TDRD12: variants seen among roughly 807,000 people sequenced by gnomAD.
TDRD12 encodes tudor domain containing 12, also known as putative ATP-dependent RNA helicase TDRD12.
TDRD12 carries 158 observed loss-of-function variants against 133.5 expected under a neutral mutation model. The ratio of observed to expected loss-of-function variants is 1.18; its 90% CI spans 1.04 to 1.35. TDRD12 has a LOEUF of 1.35. TDRD12 is among the 40% of genes most tolerant of loss of function. The pLI is 0.00. For synonymous variants in TDRD12, 460 were observed against 477.9 expected (o/e 0.96, Z 0.49); for missense variants, 1,443 against 1,321.3 (o/e 1.09, Z -1.43).
At chr19:32,815,104 G>C (rs569737082) in intron 25 of TDRD12, among the ~76,000 whole-genome samples, 2 of 152,262 alleles carry the variant, frequency 1.3e-5, no homozygotes, top group African/African-American at 4.8e-5. Flanking sequence ...AAAAGTAGTT[G>C]AGAAGGAATG....
In TDRD12 at chr19:32,734,729, G is replaced by GT. The variant is rs993382739; in HGVS notation, c.183+2853dup. ...TTTATTGTGAATTCGCAGTAACTAT[G>GT]TTTTTTTACAAATTGAAGGTTTATG... On this transcript the variant is annotated intron_variant, in intron 2 of 27. Transcript: ENST00000444215. Among the ~76,000 whole-genome samples, 12 of 152,128 alleles carry GT rather than the reference G, an allele frequency of 7.9e-5. 1 individual carries two copies. The highest frequency in any genetic ancestry group is 2.4e-4 in the African/African-American group (10 of 41,522).
intron 7 of TDRD12, 116 bp downstream of exon 7, chr19:32,756,297 T>G (rs1969990245): frequency 1.1e-6 from 1 of 884,268 alleles, no homozygotes; most frequent in Admixed American, 4.2e-5. Context: ...TGGACTCTGT[T>G]TAAAGTTTAA....
chr19:32,780,868 C>T (rs1970743527), intron 11 of TDRD12, among the ~76,000 whole-genome samples: 1 of 151,214 alleles, frequency 6.6e-6, no homozygotes, highest in African/African-American at 2.4e-5. Context: ...AGCAATCCTC[C>T]TGCCTCAACC....
At chr19:32,783,900 A>G (rs1478958804) in intron 11 of TDRD12, among the ~76,000 whole-genome samples, 2 of 152,240 alleles carry the variant, frequency 1.3e-5, no homozygotes, top group Non-Finnish European at 2.9e-5. Flanking sequence ...CAATCATGTC[A>G]TCTGCAAACA....
At chr19:32,815,244 G>C (rs1329398895) in intron 25 of TDRD12, among the ~76,000 whole-genome samples, 1 of 152,166 alleles carries the variant, frequency 6.6e-6, no homozygotes, top group Admixed American at 6.6e-5. Context: ...TGTGGCATGG[G>C]GTGAGGCCTG....
chr19:32,773,410 G>T (rs1391049597), intron 9 of TDRD12, 46 bp from the exon 10 acceptor site: 1 of 1,489,500 alleles, frequency 6.7e-7, no homozygotes, highest in African/African-American at 1.4e-5. Context: ...TGTATATTAT[G>T]TTGCTAGCAT....
intron 27 of TDRD12, 71 bp from the exon 28 acceptor site, chr19:32,820,962 G>A (rs1967362690): frequency 7.8e-7 from 1 of 1,274,648 alleles, no homozygotes; most frequent in Non-Finnish European, 1.1e-6. Flanking sequence ...GTCATTTATT[G>A]CCTGCCTTCC....
rs530803430 is a variant in TDRD12, at chr19:32,720,931, C to G, written c.24+835C>G. ...GTGCTCCGGGATGCACCTGGAGGAG[C>G]GCGGAATTGGTTGCTCCTCCGAATG... On this transcript the variant is annotated intron_variant, in intron 1 of 27. Transcript: ENST00000444215. Among the ~76,000 whole-genome samples, 28 of 150,764 alleles carry G rather than the reference C, an allele frequency of 1.9e-4. 1 individual carries two copies. Among genetic ancestry groups the G allele is most frequent in the Non-Finnish European group, 3.8e-4 (26 of 67,662 alleles).
chr19:32,800,825 T>G lies in TDRD12; in HGVS notation c.2079+53T>G, dbSNP rs1599604151. ...TCTGTTTGTTTCAACTGGTCGAATC[T>G]CAAGTCATCACAAAATTACTGGGGT... On this transcript the variant is annotated intron_variant, in intron 18 of 27. Transcript: ENST00000444215. 6.9e-6 allele frequency: 10 copies of G among 1,457,992 alleles called. 1 individual carries two copies. In the East Asian group the frequency reaches 2.4e-4, roughly 34 times the overall value. 90.3% of individuals were successfully genotyped at this position (1,457,992 alleles called of 1,614,324 possible). A position where few individuals can be genotyped will look rare whatever the true frequency, so the allele number is the denominator to read the frequency against.
At chr19:32,773,644 G>A in intron 10 of TDRD12, 112 bp downstream of exon 10, 1 of 807,908 alleles carries the variant, frequency 1.2e-6, no homozygotes, top group Non-Finnish European at 2.1e-6. Context: ...GCTTCAGTGA[G>A]CTATGATCGT....
chr19:32,817,108 A>G lies in TDRD12; in HGVS notation c.3315-981A>G, dbSNP rs12610946. Among the ~76,000 whole-genome samples, 568 of 152,328 alleles carry G rather than the reference A, an allele frequency of 3.7e-3. 8 individuals carry two copies. The East Asian group carries it at 0.041, about 11-fold the overall frequency. The stretch of plus-strand genomic sequence containing the variant: ...GGCTCACAGTGATTCCTTCAATTGC[A>G]TGTGTTTTATCGTGGCAAAATAAAC... On this transcript the variant is annotated intron_variant, in intron 26 of 27. Transcript: ENST00000444215.
intron 5 of TDRD12, among the ~76,000 whole-genome samples, chr19:32,749,225 TG>T (rs546509152): frequency 5.9e-5 from 9 of 151,960 alleles, no homozygotes; most frequent in Non-Finnish European, 1.2e-4. Context: ...CTGTGAGCCA[TG>T]GGGGCTGCTG....
chr19:32,779,131 G>A, intron 11 of TDRD12, among the ~76,000 whole-genome samples: 1 of 151,958 alleles, frequency 6.6e-6, no homozygotes, highest in East Asian at 1.9e-4. Flanking sequence ...CTGGAGGAGA[G>A]GCACCCTTTC....
At chr19:32,770,961 C>T (rs1039142205) in intron 8 of TDRD12, among the ~76,000 whole-genome samples, 3 of 152,106 alleles carry the variant, frequency 2.0e-5, no homozygotes, top group African/African-American at 7.2e-5. Flanking sequence ...TCTTTGTTCA[C>T]GTTGCTGTAA....
At chr19:32,720,230 A>G (rs1030187578) in intron 1 of TDRD12, 134 bp downstream of exon 1, 1 of 696,536 alleles carries the variant, frequency 1.4e-6, no homozygotes. Flanking sequence ...ACAGCCTCCC[A>G]CCCCCGACCC....
At chr19:32,736,016 A>G (rs973978613) in intron 2 of TDRD12, among the ~76,000 whole-genome samples, 3 of 152,144 alleles carry the variant, frequency 2.0e-5, no homozygotes, top group African/African-American at 4.8e-5. Context: ...CTAAAGCTTT[A>G]AAGGTCAGAG....
At chr19:32,736,295 A>G (rs561414641) in intron 2 of TDRD12, among the ~76,000 whole-genome samples, 1 of 152,326 alleles carries the variant, frequency 6.6e-6, no homozygotes, top group Admixed American at 6.5e-5. Context: ...ACGTGTCCAC[A>G]GTCCCAGCTA....
chr19:32,794,664 A>G (rs1249631679), exon 14 of TDRD12: 1 of 702,914 alleles, frequency 1.4e-6, no homozygotes. Context: ...CCCCAGCCAC[A>G]CTGAATCTTA....
intron 2 of TDRD12, among the ~76,000 whole-genome samples, chr19:32,736,543 A>G (rs761832924): frequency 5.9e-5 from 9 of 152,238 alleles, no homozygotes; most frequent in Admixed American, 1.3e-4. Flanking sequence ...TATTTCTACA[A>G]GATGCTTTGA....
Sources: allele counts gnomAD v4.1 joint callset (sites outside exome capture counted in the v4.1 genomes callset), GRCh38; gene constraint gnomAD v4.1.1; transcripts MANE v1.5; gene names NCBI Gene and HGNC (gene_info 2026-07-23, HGNC 2026-07-21).